IKZF3: variants seen among roughly 807,000 people sequenced by gnomAD.
IKZF3 encodes the protein IKAROS family zinc finger 3.
A neutral mutation model predicts 49.0 loss-of-function variants in IKZF3; 10 were observed. The observed-to-expected ratio is 0.20, with a 90% CI of 0.13 to 0.35. The LOEUF (loss-of-function observed/expected upper bound fraction) is 0.35. Ranked by LOEUF, IKZF3 falls within the 10% of genes least tolerant of loss-of-function variation. The pLI is 1.00. For missense variants in IKZF3, 498 were observed against 664.8 expected (o/e 0.75, Z 2.76); for synonymous variants, 209 against 228.2 (o/e 0.92, Z 0.76).
At chr17:39,827,846 T>TA (rs2061999240) in intron 3 of IKZF3, among the ~76,000 whole-genome samples, 1 of 152,056 alleles carries the variant, frequency 6.6e-6, no homozygotes, top group Admixed American at 6.5e-5. Context: ...TAAAATAGGG[T>TA]AAGGTATAGG....
intron 1 of IKZF3, among the ~76,000 whole-genome samples, chr17:39,843,734 G>C (rs574794873): frequency 2.8e-4 from 42 of 151,782 alleles, no homozygotes; most frequent in Admixed American, 4.6e-4. Flanking sequence ...TTGAACACGG[G>C]GGGCAGAGGT....
intron 6 of IKZF3, among the ~76,000 whole-genome samples, chr17:39,787,334 C>G (rs560854760): frequency 1.3e-5 from 2 of 152,358 alleles, no homozygotes; most frequent in Non-Finnish European, 2.9e-5. Context: ...AGTGTTTCAA[C>G]CAATTGCCAG....
intron 1 of IKZF3, chr17:39,835,845 T>G (rs1324148262): frequency 6.8e-6 from 4 of 584,370 alleles, no homozygotes; most frequent in Admixed American, 5.9e-5. Flanking sequence ...ATTCTCCATC[T>G]CTGTATGCTT....
chr17:39,781,904 T>G (rs746969942), intron 6 of IKZF3, among the ~76,000 whole-genome samples: 5 of 152,232 alleles, frequency 3.3e-5, no homozygotes, highest in Non-Finnish European at 7.3e-5. Context: ...TGTTCATGGA[T>G]GGACATATTT....
intron 3 of IKZF3, among the ~76,000 whole-genome samples, chr17:39,804,445 CAA>C (rs755310056): frequency 3.7e-4 from 30 of 80,252 alleles, no homozygotes; most frequent in Middle Eastern, 9.4e-3. Flanking sequence ...GACTCTGTCT[CAA>C]AAAAAAAAAA....
chr17:39,780,542 AATT>A (rs1273294660), intron 6 of IKZF3, among the ~76,000 whole-genome samples: 1 of 152,108 alleles, frequency 6.6e-6, no homozygotes, highest in South Asian at 2.1e-4. Context: ...TAAAAAAAAA[AATT>A]ATTAGTCTCA....
At chr17:39,838,312 CT>C (rs1202210707) in intron 1 of IKZF3, among the ~76,000 whole-genome samples, 1 of 152,126 alleles carries the variant, frequency 6.6e-6, no homozygotes, top group Admixed American at 6.5e-5. Flanking sequence ...CCCCACAATG[CT>C]TTTTTCTCTG....
chr17:39,825,269 T>C (rs1224711752), intron 3 of IKZF3, among the ~76,000 whole-genome samples: 1 of 152,178 alleles, frequency 6.6e-6, no homozygotes, highest in Non-Finnish European at 1.5e-5. Context: ...TATGATATGG[T>C]AAAGTCAGTG....
In IKZF3 at chr17:39,800,871, C is replaced by T. The variant is rs549821080; in HGVS notation, c.164-7938G>A. On this transcript the variant is annotated intron_variant, in intron 3 of 7. Transcript: ENST00000346872. ...AATCCTTCAGGGGCAATAGCAGTCT[C>T]AGCCAACTGTGCCTCAGTTTGTTTT... Among the ~76,000 whole-genome samples the T allele has an allele frequency of 9.2e-5, 14 of 152,324 alleles. 1 individual carries two copies. In the South Asian group the frequency reaches 2.7e-3, roughly 29 times the overall value.
chr17:39,761,863 C>G lies in IKZF3; in HGVS notation c.*3927G>C, dbSNP rs1443365225. ...GGGATTACAGGCATGTGCCATCACGCCCGGCTAATTTTGTATTTTTAGTAG... is the reference window on the plus strand; with the variant it reads ...GGGATTACAGGCATGTGCCATCACGGCCGGCTAATTTTGTATTTTTAGTAG... On this transcript the variant is annotated 3_prime_UTR_variant, in exon 8 of 8. Coordinates refer to ENST00000346872, the MANE Select transcript of IKZF3 (RefSeq NM_012481.5). 6.6e-6 allele frequency: 1 copy of G among 152,294 alleles called. No individual in the cohort carries two copies. Among genetic ancestry groups the G allele is most frequent in the East Asian group, 1.9e-4 (1 of 5,190 alleles). 9.4% of individuals were successfully genotyped at this position (152,294 alleles called of 1,614,324 possible).
intron 1 of IKZF3, among the ~76,000 whole-genome samples, chr17:39,857,976 A>G (rs79889655): frequency 1.8e-4 from 27 of 151,540 alleles, no homozygotes; most frequent in African/African-American, 3.1e-4. Context: ...AAAAAAAAAA[A>G]AGAGAGAGAG....
chr17:39,862,898 T>G (rs898079346), intron 1 of IKZF3, among the ~76,000 whole-genome samples: 1 of 152,206 alleles, frequency 6.6e-6, no homozygotes, highest in Non-Finnish European at 1.5e-5. Flanking sequence ...TTAACATTTA[T>G]AGAGAAATAC....
At chr17:39,836,641 G>C (rs1335657751) in intron 1 of IKZF3, among the ~76,000 whole-genome samples, 1 of 152,150 alleles carries the variant, frequency 6.6e-6, no homozygotes, top group Non-Finnish European at 1.5e-5. Context: ...TATGACTGTT[G>C]ATTTGTCTAT....
In IKZF3 at chr17:39,789,156, G is replaced by A. The variant is rs528545559; in HGVS notation, c.593-782C>T. 3.3e-4 allele frequency among the ~76,000 whole-genome samples: 50 copies of A among 152,280 alleles called. 1 individual carries two copies. The highest frequency in any genetic ancestry group is 1.1e-3 in the African/African-American group (46 of 41,560). ...TAATAGAAATAAAAATAGGCCGGGC[G>A]CAGTGGCTGACACCTGTAATCCCAG... On this transcript the variant is annotated intron_variant, in intron 5 of 7. Transcript: ENST00000346872.
At chr17:39,830,243 T>A (rs1383295999) in intron 2 of IKZF3, among the ~76,000 whole-genome samples, 1 of 152,228 alleles carries the variant, frequency 6.6e-6, no homozygotes, top group Non-Finnish European at 1.5e-5. Flanking sequence ...ATTCTGTTTT[T>A]CCCTTCTGTT....
chr17:39,858,461 T>C (rs886991085), intron 1 of IKZF3, among the ~76,000 whole-genome samples: 9 of 152,200 alleles, frequency 5.9e-5, no homozygotes, highest in East Asian at 5.8e-4. Flanking sequence ...TGACAATAAG[T>C]AAAGAGTAAT....
chr17:39,810,034 T>A (rs760297385), intron 3 of IKZF3, among the ~76,000 whole-genome samples: 1 of 152,214 alleles, frequency 6.6e-6, no homozygotes, highest in Non-Finnish European at 1.5e-5. Context: ...AGAACTGTAC[T>A]CTTTGCCCAG....
intron 3 of IKZF3, among the ~76,000 whole-genome samples, chr17:39,795,319 G>A (rs964982618): frequency 1.3e-5 from 2 of 152,194 alleles, no homozygotes; most frequent in Non-Finnish European, 2.9e-5. Flanking sequence ...CATAGTTGCT[G>A]GTTTGCCTTT....
chr17:39,800,489 G>A (rs1443476918), intron 3 of IKZF3, among the ~76,000 whole-genome samples: 1 of 152,104 alleles, frequency 6.6e-6, no homozygotes, highest in Non-Finnish European at 1.5e-5. Flanking sequence ...TGCTGATAAA[G>A]GTAATTGCTA....
Sources: allele counts gnomAD v4.1 joint callset (sites outside exome capture counted in the v4.1 genomes callset), GRCh38; gene constraint gnomAD v4.1.1; transcripts MANE v1.5; gene names NCBI Gene and HGNC (gene_info 2026-07-23, HGNC 2026-07-21).